MCTP2: variants seen among roughly 807,000 people sequenced by gnomAD.
The protein encoded by MCTP2 is multiple C2 and transmembrane domain containing 2, also known as multiple C2 and transmembrane domain-containing protein 2.
Under a neutral mutation model 111.6 loss-of-function variants are expected in MCTP2, and 132 were observed. The ratio of observed to expected loss-of-function variants is 1.18; its 90% CI spans 1.03 to 1.37. MCTP2 has a LOEUF of 1.37. MCTP2 is among the 40% of genes most tolerant of loss of function. The pLI is 0.00. For synonymous variants in MCTP2, 395 were observed against 387.7 expected (o/e 1.02, Z -0.22); for missense variants, 1,183 against 1,067.9 (o/e 1.11, Z -1.50).
chr15:94,255,068 A>G (rs1470265800), intron 1 of MCTP2, among the ~76,000 whole-genome samples: 1 of 152,216 alleles, frequency 6.6e-6, no homozygotes, highest in Non-Finnish European at 1.5e-5. Context: ...TTGGAAGATC[A>G]GACCTGTTCT....
chr15:94,334,224 T>G (rs1398463459), intron 4 of MCTP2, among the ~76,000 whole-genome samples: 1 of 152,238 alleles, frequency 6.6e-6, no homozygotes, highest in Admixed American at 6.5e-5. Context: ...GTTGATAGTT[T>G]TCTATCTCAC....
chr15:94,388,729 A>G (rs954046212), intron 14 of MCTP2, among the ~76,000 whole-genome samples: 2 of 152,136 alleles, frequency 1.3e-5, no homozygotes, highest in Non-Finnish European at 2.9e-5. Flanking sequence ...TCAGTTCTCT[A>G]AGGACTGGAT....
rs1176785869 is a variant in MCTP2 at position 94,385,586 on chromosome 15, G to A, written c.1788+61G>A. 2.6e-6 allele frequency: 3 copies of A among 1,157,658 alleles called. No individual in the cohort carries two copies. In the East Asian group the frequency reaches 7.1e-5, roughly 27 times the overall value. The allele number at this position is 1,157,658 out of a possible 1,614,324, so 71.7% of individuals were successfully genotyped here. A position where few individuals can be genotyped will look rare whatever the true frequency, so the allele number is the denominator to read the frequency against. ...ATTTTATAGTTGATGAGTTTCTATG[G>A]TCTAGAGTTGCTTTATCTTTGTCAA... On this transcript the variant is annotated intron_variant, in intron 14 of 22. Transcript: ENST00000357742.
chr15:94,264,427 C>T (rs1347483678), intron 1 of MCTP2, among the ~76,000 whole-genome samples: 17 of 151,948 alleles, frequency 1.1e-4, no homozygotes, highest in East Asian at 1.9e-4. Context: ...GCTAACACAG[C>T]GAAACCCTGT....
intron 14 of MCTP2, among the ~76,000 whole-genome samples, chr15:94,393,614 C>A (rs2081114092): frequency 6.6e-6 from 1 of 152,028 alleles, no homozygotes; most frequent in Non-Finnish European, 1.5e-5. Context: ...AAACAAAAAT[C>A]GCCATCAGAT....
At chr15:94,319,037 G>GT (rs35821375) in intron 4 of MCTP2, among the ~76,000 whole-genome samples, 103,155 of 146,404 alleles carry the variant, frequency 0.7, 37,105 homozygotes, top group East Asian at 0.92. Flanking sequence ...ATTGTTCTTG[G>GT]TTTTTTTTTT....
At chr15:94,469,424 C>T (rs1163313075) in intron 20 of MCTP2, among the ~76,000 whole-genome samples, 1 of 152,194 alleles carries the variant, frequency 6.6e-6, no homozygotes, top group Non-Finnish European at 1.5e-5. Context: ...ATAGTGTAAT[C>T]ACCTACATTA....
intron 20 of MCTP2, among the ~76,000 whole-genome samples, chr15:94,462,007 C>T (rs910816780): frequency 2.0e-5 from 3 of 152,120 alleles, no homozygotes; most frequent in Admixed American, 2.0e-4. Context: ...TGAAGGAAAG[C>T]CTTTAGTAGA....
In MCTP2 at chr15:94,436,018, A is replaced by G. The variant is rs1274028980; in HGVS notation, c.2086-4158A>G. ...AAACTTTGTCACATGTCTTAGGGTG[A>G]TAGCTTTGATCTTAGACTGCTTGAG... is the stretch of plus-strand genomic sequence containing the variant. On this transcript the variant is annotated intron_variant, in intron 17 of 22. Coordinates refer to ENST00000357742, the MANE Select transcript of MCTP2 (RefSeq NM_001385001.1). 2.0e-5 allele frequency among the ~76,000 whole-genome samples: 3 copies of G among 152,074 alleles called. No homozygotes were observed. The East Asian group carries it at 5.8e-4, about 29-fold the overall frequency.
chr15:94,419,019 G>T (rs944765317), intron 17 of MCTP2, among the ~76,000 whole-genome samples: 7 of 152,078 alleles, frequency 4.6e-5, no homozygotes, highest in African/African-American at 1.7e-4. Flanking sequence ...ATTCTTCATA[G>T]AAATGTTCAG....
At chr15:94,406,439 C>T (rs111677284) in intron 17 of MCTP2, among the ~76,000 whole-genome samples, 118 of 152,238 alleles carry the variant, frequency 7.8e-4, no homozygotes, top group African/African-American at 2.6e-3. Context: ...ATAGTGACAC[C>T]GGGACCAACC....
At chr15:94,419,331 C>T (rs2082517166) in intron 17 of MCTP2, among the ~76,000 whole-genome samples, 1 of 152,118 alleles carries the variant, frequency 6.6e-6, no homozygotes, top group Non-Finnish European at 1.5e-5. Context: ...TTTCACTGCT[C>T]ATGGATCTTA....
chr15:94,403,462 G>A (rs1488089747), intron 17 of MCTP2, among the ~76,000 whole-genome samples: 1 of 152,302 alleles, frequency 6.6e-6, no homozygotes, highest in East Asian at 1.9e-4. Flanking sequence ...GCTTCTTCCA[G>A]TCAGCACCCA....
At chr15:94,356,889 T>A (rs2152424736) in intron 9 of MCTP2, among the ~76,000 whole-genome samples, 1 of 152,336 alleles carries the variant, frequency 6.6e-6, no homozygotes, top group East Asian at 1.9e-4. Context: ...TAATTTTTAA[T>A]CTTAGTAATT....
At chr15:94,435,628 TC>T (rs1174108100) in intron 17 of MCTP2, among the ~76,000 whole-genome samples, 2 of 138,732 alleles carry the variant, frequency 1.4e-5, no homozygotes, top group African/African-American at 2.7e-5. Context: ...CTTTTTTTAT[TC>T]TTTTTTTTTT....
rs1286841078 is a variant in MCTP2 at position 94,483,058 on chromosome 15, CT to C, written c.*4025del. On this transcript the variant is annotated 3_prime_UTR_variant, in exon 23 of 23. Coordinates refer to ENST00000357742, the MANE Select transcript of MCTP2 (RefSeq NM_001385001.1). ...TGGAGGTAACCCTTGAAAAATTCCA[CT>C]GTGGAGAAGAAAGGAGAGAGAGAGG... The C allele has an allele frequency of 3.3e-5, 5 of 152,068 alleles. No homozygotes were observed. The highest frequency in any genetic ancestry group is 9.7e-5 in the African/African-American group (4 of 41,392). The allele number at this position is 152,068 out of a possible 1,614,324, so 9.4% of individuals were successfully genotyped here.
chr15:94,399,372 G>C (rs1336822534), intron 15 of MCTP2, among the ~76,000 whole-genome samples: 1 of 152,180 alleles, frequency 6.6e-6, no homozygotes, highest in Non-Finnish European at 1.5e-5. Flanking sequence ...AGAAGGACTT[G>C]AATCTGATTC....
At chr15:94,294,560 A>T (rs1289344115) in intron 1 of MCTP2, among the ~76,000 whole-genome samples, 1 of 152,218 alleles carries the variant, frequency 6.6e-6, no homozygotes, top group East Asian at 1.9e-4. Flanking sequence ...AGGACAGTGT[A>T]GTGCATGGAG....
chr15:94,472,160 C>T (rs1196876395), intron 21 of MCTP2, among the ~76,000 whole-genome samples: 1 of 152,122 alleles, frequency 6.6e-6, no homozygotes, highest in Non-Finnish European at 1.5e-5. Context: ...GGCAGATCAC[C>T]CGAGGTCAGG....
Sources: allele counts gnomAD v4.1 joint callset (sites outside exome capture counted in the v4.1 genomes callset), GRCh38; gene constraint gnomAD v4.1.1; transcripts MANE v1.5; gene names NCBI Gene and HGNC (gene_info 2026-07-23, HGNC 2026-07-21).